Variants in PACS1 observed in about 807,000 individuals in gnomAD.
PACS1 encodes PACS-1.
PACS1 carries 24 observed loss-of-function variants against 115.0 expected under a neutral mutation model. That is an observed-to-expected ratio of 0.21 (90% CI 0.15 to 0.29). The LOEUF (loss-of-function observed/expected upper bound fraction) is 0.29. Ranked by LOEUF, PACS1 falls within the 10% of genes least tolerant of loss-of-function variation. PACS1 has a pLI of 1.00. For missense variants in PACS1, 838 were observed against 1,251.2 expected (o/e 0.67, Z 4.98); for synonymous variants, 453 against 504.5 (o/e 0.90, Z 1.37).
At position 66,142,332 on chromosome 11, in the gene PACS1, T is replaced by G. The variant is rs185088783; in HGVS notation, c.357-51154T>G. On this transcript the variant is annotated intron_variant, in intron 1 of 23. Transcript: ENST00000320580. ...TTTTTAATTTTAATTTTTATTTTTT[T>G]GGGTGAGACAAGGTCTCACACTGTC... Among the ~76,000 whole-genome samples, 467 of 152,258 alleles carry G rather than the reference T, an allele frequency of 3.1e-3. 2 individuals are homozygous for G. The highest frequency in any genetic ancestry group is 0.011 in the African/African-American group (438 of 41,546).
chr11:66,172,286 C>G (rs1031364677), intron 1 of PACS1, among the ~76,000 whole-genome samples: 1 of 152,196 alleles, frequency 6.6e-6, no homozygotes, highest in African/African-American at 2.4e-5. Flanking sequence ...CTGTGGCTCT[C>G]TGTGACTCAC....
intron 1 of PACS1, among the ~76,000 whole-genome samples, chr11:66,118,833 G>A (rs1008443221): frequency 1.3e-4 from 19 of 149,440 alleles, no homozygotes; most frequent in African/African-American, 3.9e-4. Flanking sequence ...TTATTTTCTC[G>A]TTATTTCCTT....
intron 1 of PACS1, among the ~76,000 whole-genome samples, chr11:66,189,276 T>C (rs1006624248): frequency 6.6e-6 from 1 of 152,222 alleles, no homozygotes; most frequent in East Asian, 1.9e-4. Context: ...ATCAGTGTGT[T>C]GTGTGGCATT....
chr11:66,189,213 A>G (rs1456955185), intron 1 of PACS1, among the ~76,000 whole-genome samples: 1 of 152,212 alleles, frequency 6.6e-6, no homozygotes, highest in Non-Finnish European at 1.5e-5. Context: ...GAGTCATGCC[A>G]TTGAAAACAA....
intron 1 of PACS1, among the ~76,000 whole-genome samples, chr11:66,171,321 C>T (rs1023499285): frequency 6.7e-6 from 1 of 150,260 alleles, no homozygotes; most frequent in African/African-American, 2.5e-5. Context: ...TAGTCTTATT[C>T]TAGGTGAATC....
chr11:66,210,015 GA>G (rs1036987184), intron 2 of PACS1, among the ~76,000 whole-genome samples: 1 of 151,660 alleles, frequency 6.6e-6, no homozygotes, highest in Non-Finnish European at 1.5e-5. Flanking sequence ...AGCTTTGACA[GA>G]TTTTTTTTTT....
chr11:66,202,880 A>G lies in PACS1; in HGVS notation c.445-7482A>G, dbSNP rs567135233. ...CATACCTCAACACAATAAAAGCCATATATGACAGACCTATCACTTGTATCA... is the reference window on the plus strand; with the variant it reads ...CATACCTCAACACAATAAAAGCCATGTATGACAGACCTATCACTTGTATCA... On this transcript the variant is annotated intron_variant, in intron 2 of 23. Coordinates refer to ENST00000320580, the MANE Select transcript of PACS1 (RefSeq NM_018026.4). Among the ~76,000 whole-genome samples the G allele has an allele frequency of 7.3e-5, 11 of 151,574 alleles. No homozygotes were observed. The South Asian group carries it at 2.3e-3, about 31-fold the overall frequency.
At chr11:66,117,460 CA>C (rs11407986) in intron 1 of PACS1, among the ~76,000 whole-genome samples, 104 of 130,064 alleles carry the variant, frequency 8.0e-4, no homozygotes, top group African/African-American at 1.5e-3. Context: ...AACTCCATCT[CA>C]AAAAAAAAAA....
intron 1 of PACS1, among the ~76,000 whole-genome samples, chr11:66,112,204 ACTT>A (rs557643124): frequency 9.9e-4 from 151 of 151,858 alleles, no homozygotes; most frequent in Non-Finnish European, 1.6e-3. Context: ...TAAAACCCAG[ACTT>A]CTTCTCCTGG....
intron 1 of PACS1, among the ~76,000 whole-genome samples, chr11:66,155,821 C>T (rs1334647805): frequency 6.6e-6 from 1 of 152,016 alleles, no homozygotes; most frequent in Non-Finnish European, 1.5e-5. Flanking sequence ...GGAAACAATC[C>T]GGGGGCTCAT....
At chr11:66,207,676 T>C (rs1854974244) in intron 2 of PACS1, among the ~76,000 whole-genome samples, 1 of 152,194 alleles carries the variant, frequency 6.6e-6, no homozygotes, top group Non-Finnish European at 1.5e-5. Context: ...GGCTGTGTGC[T>C]TCTGCTGATG....
intron 1 of PACS1, among the ~76,000 whole-genome samples, chr11:66,110,249 CT>C (rs1412853714): frequency 1.2e-4 from 18 of 152,146 alleles, no homozygotes; most frequent in African/African-American, 4.3e-4. Context: ...CTTCATGACC[CT>C]TTGATAAACT....
At position 66,240,532 on chromosome 11, in the gene PACS1, A is replaced by T. The variant is rs544972850; in HGVS notation, c.2430-895A>T. Among the ~76,000 whole-genome samples, 10 of 152,252 alleles carry T rather than the reference A, an allele frequency of 6.6e-5. No individual in the cohort carries two copies. The South Asian group carries it at 8.3e-4, about 13-fold the overall frequency. On this transcript the variant is annotated intron_variant, in intron 21 of 23. Transcript: ENST00000320580. ...GCACGAAGCCTGCCCCGGAGCTAGA[A>T]TCCCAGTCCCTGGTCTCCCTCAGCC...
intron 1 of PACS1, among the ~76,000 whole-genome samples, chr11:66,107,077 C>T (rs1407702720): frequency 1.3e-5 from 2 of 152,132 alleles, no homozygotes; most frequent in East Asian, 1.9e-4. Flanking sequence ...ACATGAAGTA[C>T]CTGTTCTCAT....
chr11:66,149,125 C>T (rs1859184019), intron 1 of PACS1, among the ~76,000 whole-genome samples: 1 of 148,174 alleles, frequency 6.7e-6, no homozygotes, highest in Non-Finnish European at 1.5e-5. Context: ...GATAGAGTCT[C>T]CCTCTGTCAC....
At chr11:66,144,207 A>G (rs535617997) in intron 1 of PACS1, among the ~76,000 whole-genome samples, 17 of 152,348 alleles carry the variant, frequency 1.1e-4, no homozygotes, top group African/African-American at 3.8e-4. Context: ...TTATCAAAGA[A>G]TGAGAAGACT....
At chr11:66,115,709 G>A (rs2134552263) in intron 1 of PACS1, among the ~76,000 whole-genome samples, 1 of 152,330 alleles carries the variant, frequency 6.6e-6, no homozygotes, top group East Asian at 1.9e-4. Context: ...TTGCCTGCAT[G>A]TTTAGTTATG....
chr11:66,177,380 G>A (rs1859891186), intron 1 of PACS1, among the ~76,000 whole-genome samples: 1 of 151,992 alleles, frequency 6.6e-6, no homozygotes, highest in African/African-American at 2.4e-5. Context: ...TAGTAGAGAC[G>A]GGGTTTCTCC....
At chr11:66,238,878 G>T in intron 20 of PACS1, 32 bp downstream of exon 20, 1 of 1,554,848 alleles carries the variant, frequency 6.4e-7, no homozygotes, top group Non-Finnish European at 8.7e-7. Context: ...TCTGTGGAGT[G>T]AGGCTGGTGC....
Sources: gnomAD v4.1 joint callset for allele counts (sites outside exome capture counted in the v4.1 genomes callset) on GRCh38, gnomAD v4.1.1 for gene constraint, MANE v1.5 for transcripts, NCBI Gene and HGNC (gene_info 2026-07-23, HGNC 2026-07-21) for gene names.